Variants in FAM171A1 observed in about 807,000 individuals in gnomAD.
FAM171A1 encodes the protein protein FAM171A1.
FAM171A1 carries 23 observed loss-of-function variants against 74.9 expected under a neutral mutation model. That is an observed-to-expected ratio of 0.31 (90% CI 0.22 to 0.44). The LOEUF (loss-of-function observed/expected upper bound fraction) is 0.44, where lower values mean the gene tolerates loss of function less well. FAM171A1 is among the 20% of genes least tolerant of loss of function. The probability of loss-of-function intolerance (pLI) is 1.00; values close to 1 mark genes in which losing one functional copy is unlikely to be tolerated. For synonymous variants in FAM171A1, 527 were observed against 505.7 expected (o/e 1.04, Z -0.57); for missense variants, 1,162 against 1,159.2 (o/e 1.00, Z -0.03).
In FAM171A1 at chr10:15,214,290, G is replaced by C. The variant is rs1833937526; in HGVS notation, c.1298C>G (p.Ser433Cys). 6.2e-7 allele frequency: 1 copy of C among 1,613,818 alleles called. No individual in the cohort carries two copies. The highest frequency in any genetic ancestry group is 2.2e-5 in the East Asian group (1 of 44,872). ...CTGGCTTTTATCCTCTTCCTTGCAA[G>C]AGAGGAGCTCCTCCCGGGAGCTAAA... ...QEFSSREELL[S>C]CKEEDKSQIS... Residue 433 changes from serine (S) to cysteine (C), a missense_variant, in exon 8 of 8, where the codon TCT (serine) becomes TGT (cysteine). Transcript: ENST00000378116.
intron 6 of FAM171A1, among the ~76,000 whole-genome samples, chr10:15,217,911 A>G (rs9424224): frequency 0.68 from 102,916 of 151,986 alleles, 35,589 homozygotes; most frequent in African/African-American, 0.81. Flanking sequence ...GATTACAGGC[A>G]TGAGCCACCG....
rs557414033 is a variant in FAM171A1, at chr10:15,266,115, G to A, written c.418+9740C>T. On this transcript the variant is annotated intron_variant, in intron 3 of 7. Coordinates refer to ENST00000378116, the MANE Select transcript of FAM171A1 (RefSeq NM_001010924.2). Reference sequence around the variant, plus strand: ...TGCTCCTTTCTGACCTGCTCCGAGTGTCTTCTTCTGCTTCTGCATCCTTTC... The same window carrying A: ...TGCTCCTTTCTGACCTGCTCCGAGTATCTTCTTCTGCTTCTGCATCCTTTC... Among the ~76,000 whole-genome samples, 27 of 152,320 alleles carry A rather than the reference G, an allele frequency of 1.8e-4. No homozygotes were observed. The South Asian group carries it at 4.4e-3, about 25-fold the overall frequency.
intron 3 of FAM171A1, among the ~76,000 whole-genome samples, chr10:15,258,492 A>G (rs1834611924): frequency 6.6e-6 from 1 of 152,098 alleles, no homozygotes; most frequent in South Asian, 2.1e-4. Flanking sequence ...TTCCTCCCCA[A>G]CCAACAAAAA....
intron 1 of FAM171A1, among the ~76,000 whole-genome samples, chr10:15,285,254 G>A (rs1483159136): frequency 1.3e-5 from 2 of 152,208 alleles, no homozygotes; most frequent in Admixed American, 6.5e-5. Flanking sequence ...GGCAGGTTCT[G>A]AAAGCTGGAT....
intron 5 of FAM171A1, among the ~76,000 whole-genome samples, chr10:15,223,831 G>A (rs1297739051): frequency 1.3e-5 from 2 of 152,182 alleles, no homozygotes; most frequent in South Asian, 2.1e-4. Flanking sequence ...CCTGTGAGGC[G>A]GAGGTTGCGG....
Position 15,267,523 on chromosome 10 carries a change from A to G in FAM171A1, c.418+8332T>C, listed in dbSNP as rs148399153. ...CAGGCTAAGGCAGGAGAATCACTTG[A>G]ACCCAGGAGGCAGAGGTTGCAATGA... On this transcript the variant is annotated intron_variant, in intron 3 of 7. Transcript: ENST00000378116. Among the ~76,000 whole-genome samples, 958 of 141,326 alleles carry G rather than the reference A, an allele frequency of 6.8e-3. 5 individuals are homozygous for G. The highest frequency in any genetic ancestry group is 0.022 in the East Asian group (93 of 4,234). The allele number at this position is 141,326 out of a possible 152,430, so 92.7% of individuals were successfully genotyped here. A position where few individuals can be genotyped will look rare whatever the true frequency, so the allele number is the denominator to read the frequency against.
intron 2 of FAM171A1, among the ~76,000 whole-genome samples, chr10:15,276,995 C>G (rs1834903433): frequency 6.6e-6 from 1 of 152,140 alleles, no homozygotes; most frequent in Non-Finnish European, 1.5e-5. Context: ...CCAAGTTATG[C>G]TATTTTCAAA....
intron 1 of FAM171A1, among the ~76,000 whole-genome samples, chr10:15,330,392 A>G (rs1226507035): frequency 1.3e-5 from 2 of 152,144 alleles, no homozygotes; most frequent in Non-Finnish European, 2.9e-5. Flanking sequence ...TTAAAGGTAA[A>G]CAAATGCATT....
At chr10:15,332,781 G>C (rs1206679000) in intron 1 of FAM171A1, among the ~76,000 whole-genome samples, 19 of 152,268 alleles carry the variant, frequency 1.2e-4, no homozygotes, top group Non-Finnish European at 1.5e-5. Flanking sequence ...GAATTGAACT[G>C]AGAAATGGGT....
intron 5 of FAM171A1, among the ~76,000 whole-genome samples, chr10:15,247,687 G>T (rs1416514236): frequency 1.3e-5 from 2 of 151,808 alleles, no homozygotes; most frequent in East Asian, 3.9e-4. Flanking sequence ...TTAAAAGGCT[G>T]GTCTCAGACT....
At chr10:15,279,713 A>G (rs1049404224) in intron 2 of FAM171A1, among the ~76,000 whole-genome samples, 2 of 152,060 alleles carry the variant, frequency 1.3e-5, no homozygotes, top group Non-Finnish European at 2.9e-5. Context: ...AGGTTAAGAG[A>G]TCAAGATTAT....
intron 1 of FAM171A1, among the ~76,000 whole-genome samples, chr10:15,334,456 T>C (rs1268959978): frequency 6.6e-6 from 1 of 152,242 alleles, no homozygotes. Context: ...CTTTTGTTTA[T>C]AATCTGCAGG....
chr10:15,342,082 G>A lies in FAM171A1; in HGVS notation c.97+28874C>T, dbSNP rs1588562739. ...GCAACCCAGGACCTGGATGCAGAAG[G>A]TCTTTATGCTACTTTGATTGACATC... On this transcript the variant is annotated intron_variant, in intron 1 of 7. Coordinates refer to ENST00000378116, the MANE Select transcript of FAM171A1 (RefSeq NM_001010924.2). 2.0e-5 allele frequency among the ~76,000 whole-genome samples: 3 copies of A among 152,224 alleles called. No individual in the cohort carries two copies. In the South Asian group the frequency reaches 6.2e-4, roughly 31 times the overall value.
At chr10:15,359,317 C>G (rs1426378309) in intron 1 of FAM171A1, among the ~76,000 whole-genome samples, 1 of 152,208 alleles carries the variant, frequency 6.6e-6, no homozygotes, top group Non-Finnish European at 1.5e-5. Context: ...ACTTTAGATA[C>G]AGCTTTCAGG....
chr10:15,278,183 T>TGGGTGGA (rs199691498), intron 2 of FAM171A1, among the ~76,000 whole-genome samples: 2,698 of 152,320 alleles, frequency 0.018, 29 homozygotes, highest in South Asian at 0.028. Context: ...ATCTACACCC[T>TGGGTGGA]GGGTGGAACA....
Position 15,327,897 on chromosome 10 carries a change from T to G in FAM171A1, c.97+43059A>C, listed in dbSNP as rs897818471. 4.1e-5 allele frequency among the ~76,000 whole-genome samples: 6 copies of G among 147,416 alleles called. No homozygotes were observed. The Admixed American group carries it at 4.1e-4, about 10-fold the overall frequency. On this transcript the variant is annotated intron_variant, in intron 1 of 7. Transcript: ENST00000378116. The stretch of plus-strand genomic sequence containing the variant: ...CCCCGTGACACACAATTTACCCATA[T>G]CACAAACCTGTACATGTATCCCCTG...
chr10:15,271,227 A>T (rs1370496853), intron 3 of FAM171A1, among the ~76,000 whole-genome samples: 1 of 152,220 alleles, frequency 6.6e-6, no homozygotes, highest in Non-Finnish European at 1.5e-5. Flanking sequence ...CACAAGAACT[A>T]CGTGACACAT....
chr10:15,352,717 A>G (rs1835893222), intron 1 of FAM171A1, among the ~76,000 whole-genome samples: 1 of 152,226 alleles, frequency 6.6e-6, no homozygotes, highest in Non-Finnish European at 1.5e-5. Context: ...CTAAAAACAC[A>G]AGTTACAGCA....
rs74124819 is a variant in FAM171A1 at position 15,352,841 on chromosome 10, T to C, written c.97+18115A>G. On this transcript the variant is annotated intron_variant, in intron 1 of 7. Transcript: ENST00000378116. ...TCACTCTTGGAGTTTACTTTCACCA[T>C]GTAATCTTTAGGTTTAGAGTAAAGG... is the stretch of plus-strand genomic sequence containing the variant. Among the ~76,000 whole-genome samples, 638 of 152,336 alleles carry C rather than the reference T, an allele frequency of 4.2e-3. 4 individuals carry two copies. The highest frequency in any genetic ancestry group is 0.015 in the African/African-American group (611 of 41,578).
Sources: gnomAD v4.1 joint callset for allele counts (sites outside exome capture counted in the v4.1 genomes callset) on GRCh38, gnomAD v4.1.1 for gene constraint, MANE v1.5 for transcripts, NCBI Gene and HGNC (gene_info 2026-07-23, HGNC 2026-07-21) for gene names.